CTCF: variants seen among roughly 807,000 people sequenced by gnomAD.
CTCF encodes CCCTC-binding factor, also known as transcriptional repressor CTCF.
In CTCF, 7 loss-of-function variants were observed where a neutral mutation model predicts 72.3. That is an observed-to-expected ratio of 0.10 (90% confidence interval 0.06 to 0.18). The LOEUF (loss-of-function observed/expected upper bound fraction) is 0.18. CTCF is among the 10% of genes least tolerant of loss of function. The pLI is 1.00. For synonymous variants in CTCF, 374 were observed against 315.8 expected (o/e 1.18, Z -1.95); for missense variants, 516 against 949.1 (o/e 0.54, Z 6.00).
intron 4 of CTCF, among the ~76,000 whole-genome samples, chr16:67,614,136 C>G (rs924077072): frequency 1.3e-5 from 2 of 152,002 alleles, no homozygotes; most frequent in Non-Finnish European, 2.9e-5. Flanking sequence ...CACCTGAGGT[C>G]AGGAGTTCAA....
intron 1 of CTCF, among the ~76,000 whole-genome samples, chr16:67,570,518 G>C (rs993644580): frequency 1.3e-5 from 2 of 150,980 alleles, no homozygotes; most frequent in Admixed American, 6.6e-5. Context: ...GTGCGATCTC[G>C]GCTCACTGCA....
intron 2 of CTCF, among the ~76,000 whole-genome samples, chr16:67,605,887 C>CT (rs1353086744): frequency 6.6e-6 from 1 of 152,112 alleles, no homozygotes; most frequent in Non-Finnish European, 1.5e-5. Context: ...GGGGAGAGTG[C>CT]TAGAGGGCAA....
Position 67,601,577 on chromosome 16 carries a change from C to T in CTCF, c.-9-9247C>T, listed in dbSNP as rs138572166. ...CAGGATGGTCTCGATCTCCTGACCT[C>T]GGGGATGCTCTGAGATTCTGAGCAG... On this transcript the variant is annotated intron_variant, in intron 2 of 11. Coordinates refer to ENST00000264010, the MANE Select transcript of CTCF (RefSeq NM_006565.4). 9.9e-3 allele frequency among the ~76,000 whole-genome samples: 1,505 copies of T among 151,976 alleles called. 21 individuals are homozygous for T. Among genetic ancestry groups the T allele is most frequent in the Admixed American group, 0.011 (172 of 15,244 alleles).
At chr16:67,590,157 C>T (rs1051982337) in intron 2 of CTCF, among the ~76,000 whole-genome samples, 3 of 150,918 alleles carry the variant, frequency 2.0e-5, no homozygotes, top group Non-Finnish European at 2.9e-5. Flanking sequence ...TCTACAGCAG[C>T]GTCAGCCACC....
chr16:67,587,388 G>C (rs2051682904), intron 2 of CTCF, among the ~76,000 whole-genome samples: 1 of 151,986 alleles, frequency 6.6e-6, no homozygotes, highest in African/African-American at 2.4e-5. Flanking sequence ...AACTTTACAG[G>C]ACAACCCCTT....
At chr16:67,581,084 G>T (rs890712298) in intron 2 of CTCF, among the ~76,000 whole-genome samples, 1 of 151,360 alleles carries the variant, frequency 6.6e-6, no homozygotes, top group Non-Finnish European at 1.5e-5. Context: ...ACCCGCCACC[G>T]CACCCAGCTA....
At chr16:67,596,375 G>T (rs893973186) in intron 2 of CTCF, among the ~76,000 whole-genome samples, 1 of 151,986 alleles carries the variant, frequency 6.6e-6, no homozygotes, top group African/African-American at 2.4e-5. Context: ...TCTGCCATTT[G>T]TGTATTTTCA....
intron 2 of CTCF, among the ~76,000 whole-genome samples, chr16:67,609,479 T>C (rs2052027686): frequency 6.6e-6 from 1 of 152,162 alleles, no homozygotes; most frequent in South Asian, 2.1e-4. Context: ...TTGTCTTGTG[T>C]CACATCTTTT....
rs1045385730 is a variant in CTCF, at chr16:67,571,131, T to C, written c.-126-17T>C. On this transcript the variant is annotated splice_polypyrimidine_tract_variant and intron_variant, in intron 1 of 11. Coordinates refer to ENST00000264010, the MANE Select transcript of CTCF (RefSeq NM_006565.4). ...TGAATTTAGTGTTTCATAAAATGAT[T>C]TGTGCTTTTCTTTTAGAATGATTAC... 1 of 152,512 alleles carries C rather than the reference T, an allele frequency of 6.6e-6. No individual in the cohort carries two copies. Among genetic ancestry groups the C allele is most frequent in the Non-Finnish European group, 1.5e-5 (1 of 68,034 alleles). 9.4% of individuals were successfully genotyped at this position (152,512 alleles called of 1,614,324 possible).
intron 2 of CTCF, among the ~76,000 whole-genome samples, chr16:67,605,627 T>G (rs1468223430): frequency 6.6e-6 from 1 of 152,250 alleles, no homozygotes; most frequent in Non-Finnish European, 1.5e-5. Flanking sequence ...AGCCCGGCTT[T>G]TGCCCTTAAA....
chr16:67,638,018 G>A lies in CTCF; in HGVS notation c.*146G>A, dbSNP rs932251771. 2 of 700,512 alleles carry A rather than the reference G, an allele frequency of 2.9e-6. No individual in the cohort carries two copies. Among genetic ancestry groups the A allele is most frequent in the African/African-American group, 3.6e-5 (2 of 55,952 alleles). 43.4% of individuals were successfully genotyped at this position (700,512 alleles called of 1,614,324 possible). ...CGAGAACGAAAACTTCAAGGATGAT[G>A]TTAGAAAAAAATGTGATTTAACTAG... On this transcript the variant is annotated 3_prime_UTR_variant, in exon 12 of 12. Transcript: ENST00000264010.
At chr16:67,588,826 A>G (rs907788535) in intron 2 of CTCF, among the ~76,000 whole-genome samples, 2 of 152,056 alleles carry the variant, frequency 1.3e-5, no homozygotes, top group African/African-American at 4.8e-5. Flanking sequence ...AGCTGGGATT[A>G]CAGGTGCACG....
chr16:67,573,184 G>A (rs936444335), intron 2 of CTCF, among the ~76,000 whole-genome samples: 7 of 151,832 alleles, frequency 4.6e-5, no homozygotes, highest in Admixed American at 2.0e-4. Context: ...CCTGGGAGGC[G>A]GAGGTTGCAA....
intron 2 of CTCF, among the ~76,000 whole-genome samples, chr16:67,596,805 C>T (rs950397380): frequency 2.6e-5 from 4 of 151,944 alleles, no homozygotes; most frequent in African/African-American, 7.3e-5. Context: ...CCAGACTGGT[C>T]TCAACTCCTG....
At chr16:67,621,374 T>C in intron 6 of CTCF, 68 bp from the exon 7 acceptor site, 1 of 1,210,546 alleles carries the variant, frequency 8.3e-7, no homozygotes, top group East Asian at 2.4e-5. Context: ...GCCACCTGAG[T>C]TACCCTCCAG....
At chr16:67,600,239 T>A (rs937314641) in intron 2 of CTCF, among the ~76,000 whole-genome samples, 3 of 151,964 alleles carry the variant, frequency 2.0e-5, no homozygotes, top group Admixed American at 6.6e-5. Context: ...TTATTTTTTT[T>A]ATTTTTTTTA....
intron 2 of CTCF, among the ~76,000 whole-genome samples, chr16:67,579,555 C>T (rs897416553): frequency 5.9e-5 from 9 of 152,018 alleles, no homozygotes; most frequent in African/African-American, 1.9e-4. Flanking sequence ...TACAGGGTTT[C>T]GTCATGTTGG....
At chr16:67,623,231 C>G (rs1440081613) in intron 7 of CTCF, 1 of 152,134 alleles carries the variant, frequency 6.6e-6, no homozygotes. Flanking sequence ...GTTGGGATTA[C>G]AGGCGAGAGC....
intron 11 of CTCF, among the ~76,000 whole-genome samples, chr16:67,637,074 G>GA (rs920918962): frequency 2.0e-5 from 3 of 152,224 alleles, no homozygotes; most frequent in Non-Finnish European, 4.4e-5. Context: ...GTCCAGAGTA[G>GA]AAGGGTACTT....
Sources: gnomAD v4.1 joint callset for allele counts (sites outside exome capture counted in the v4.1 genomes callset) on GRCh38, gnomAD v4.1.1 for gene constraint, MANE v1.5 for transcripts, NCBI Gene and HGNC (gene_info 2026-07-23, HGNC 2026-07-21) for gene names.